MGAM: variants seen among roughly 807,000 people sequenced by gnomAD.
MGAM encodes alpha-1,4-glucosidase.
Under a neutral mutation model 358.8 loss-of-function variants are expected in MGAM, and 253 were observed. That is an observed-to-expected ratio of 0.71 (90% CI 0.64 to 0.78). The LOEUF (loss-of-function observed/expected upper bound fraction) is 0.78, where lower values mean the gene tolerates loss of function less well. Ranked by LOEUF, MGAM falls within the 30% of genes least tolerant of loss-of-function variation. MGAM has a pLI of 0.00. For missense variants in MGAM, 3,080 were observed against 3,432.6 expected, an observed-to-expected ratio of 0.90 and a Z score of 2.57; for synonymous variants, 1,105 against 1,227.1, an observed-to-expected ratio of 0.90 and a Z score of 2.08.
At position 142,066,219 on chromosome 7, in the gene MGAM, A is replaced by G. The variant is rs531578207; in HGVS notation, c.4771-354A>G. On this transcript the variant is annotated intron_variant, in intron 40 of 70. Transcript: ENST00000475668. ...TCAAGCGATCCACTCGACAGCCTCC[A>G]AAAGTGCTGGGATTACAGGCGTGAG... is the stretch of plus-strand genomic sequence containing the variant. Among the ~76,000 whole-genome samples the G allele has an allele frequency of 1.4e-5, 2 of 146,190 alleles. 1 individual carries two copies. The highest frequency in any genetic ancestry group is 3.1e-5 in the Non-Finnish European group (2 of 64,482).
chr7:142,032,564 G>A (rs1807604532), intron 13 of MGAM, among the ~76,000 whole-genome samples: 1 of 151,928 alleles, frequency 6.6e-6, no homozygotes, highest in South Asian at 2.1e-4. Context: ...CATATAAATT[G>A]AAACTTTTTT....
intron 27 of MGAM, among the ~76,000 whole-genome samples, chr7:142,055,273 G>T (rs1455182839): frequency 6.6e-6 from 1 of 152,162 alleles, no homozygotes; most frequent in Non-Finnish European, 1.5e-5. Context: ...AGGCAGTGCT[G>T]GTGTGGAGTG....
chr7:142,008,396 T>C (rs1239429765), intron 2 of MGAM, 110 bp from the exon 3 acceptor site: 1 of 1,201,024 alleles, frequency 8.3e-7, no homozygotes, highest in Non-Finnish European at 1.1e-6. Flanking sequence ...TTTGAGGTCA[T>C]CAGAGTGAAG....
rs371568332 is a variant in MGAM, at chr7:142,008,395, A to G, written c.128-111A>G. ...AAGTGAATGCATAAATTTTGAGGTCATCAGAGTGAAGCCTACTCAGTAGTG... is the reference window on the plus strand; with the variant it reads ...AAGTGAATGCATAAATTTTGAGGTCGTCAGAGTGAAGCCTACTCAGTAGTG... On this transcript the variant is annotated intron_variant, in intron 2 of 70. Coordinates refer to ENST00000475668, the MANE Select transcript of MGAM (RefSeq NM_001365693.1). 9.9e-4 allele frequency: 1,172 copies of G among 1,187,404 alleles called. 4 individuals are homozygous for G. Among genetic ancestry groups the G allele is most frequent in the Middle Eastern group, 5.9e-3 (20 of 3,398 alleles). 73.6% of individuals were successfully genotyped at this position (1,187,404 alleles called of 1,614,324 possible).
rs994435641 is a variant in MGAM, at chr7:142,106,546, C to G, written c.*655C>G. ...TTGAAGAAGAGGGTCTTGAGAAATCCTTAGCATAAAGGGCTACTGGTGAGA... is the reference window on the plus strand; with the variant it reads ...TTGAAGAAGAGGGTCTTGAGAAATCGTTAGCATAAAGGGCTACTGGTGAGA... On this transcript the variant is annotated 3_prime_UTR_variant, in exon 71 of 71. Transcript: ENST00000475668. 4 of 152,146 alleles carry G rather than the reference C, an allele frequency of 2.6e-5. No individual in the cohort carries two copies. The highest frequency in any genetic ancestry group is 9.7e-5 in the African/African-American group (4 of 41,414). The allele number at this position is 152,146 out of a possible 1,614,324, so 9.4% of individuals were successfully genotyped here.
At chr7:142,047,145 G>C (rs991939807) in intron 21 of MGAM, among the ~76,000 whole-genome samples, 3 of 152,102 alleles carry the variant, frequency 2.0e-5, no homozygotes, top group Non-Finnish European at 4.4e-5. Flanking sequence ...AGAATGAGGA[G>C]AGACTCCAAA....
At chr7:142,023,587 A>C (rs1400788012) in intron 7 of MGAM, among the ~76,000 whole-genome samples, 1 of 152,142 alleles carries the variant, frequency 6.6e-6, no homozygotes, top group Non-Finnish European at 1.5e-5. Flanking sequence ...TTGTAAGAAC[A>C]AGAATGGCCT....
At position 142,019,188 on chromosome 7, in the gene MGAM, T is replaced by G; in HGVS notation, c.328-11T>G. 1 of 1,611,924 alleles carries G rather than the reference T, an allele frequency of 6.2e-7. No individual in the cohort carries two copies. Among genetic ancestry groups the G allele is most frequent in the Non-Finnish European group, 8.5e-7 (1 of 1,178,958 alleles). On this transcript the variant is annotated splice_polypyrimidine_tract_variant and intron_variant, in intron 3 of 70. Transcript: ENST00000475668. ...CTAAATGGAGCTTCTTTGACTAACC[T>G]CTTGTTTCAGGCCACATGTGACCAA...
chr7:142,058,474 T>C, intron 31 of MGAM, 146 bp downstream of exon 31: 1 of 1,394,632 alleles, frequency 7.2e-7, no homozygotes, highest in Non-Finnish European at 9.6e-7. Flanking sequence ...CCCAGCACAG[T>C]AATATAGGTA....
chr7:142,098,024 T>C (rs1202721840), intron 66 of MGAM, among the ~76,000 whole-genome samples: 1 of 152,238 alleles, frequency 6.6e-6, no homozygotes, highest in Non-Finnish European at 1.5e-5. Context: ...TGCTGTAAGT[T>C]TGTAAGCATA....
chr7:142,078,248 A>T, intron 47 of MGAM, 70 bp from the exon 48 acceptor site: 2 of 1,167,424 alleles, frequency 1.7e-6, no homozygotes, highest in Non-Finnish European at 2.3e-6. Context: ...AAATAAATAA[A>T]TAAAGTCTTA....
intron 2 of MGAM, among the ~76,000 whole-genome samples, chr7:141,986,976 G>A (rs1364960451): frequency 6.6e-6 from 1 of 152,154 alleles, no homozygotes; most frequent in Non-Finnish European, 1.5e-5. Context: ...GATAACAGGA[G>A]GACAACTTTT....
chr7:142,027,345 T>A, intron 9 of MGAM, 118 bp downstream of exon 9: 2 of 858,708 alleles, frequency 2.3e-6, no homozygotes, highest in Non-Finnish European at 3.7e-6. Context: ...TTTGAGATAT[T>A]AAAGAACAGA....
intron 16 of MGAM, 63 bp downstream of exon 16, chr7:142,034,904 T>G (rs559445221): frequency 6.6e-7 from 1 of 1,520,514 alleles, no homozygotes; most frequent in African/African-American, 1.4e-5. Context: ...TTCTAGAAAG[T>G]TTTCAAACCA....
Position 142,008,523 on chromosome 7 carries a change from A to G in MGAM, c.145A>G (p.Thr49Ala), listed in dbSNP as rs1554453220. The G allele has an allele frequency of 6.2e-7, 1 of 1,610,806 alleles. No individual in the cohort carries two copies. Among genetic ancestry groups the G allele is most frequent in the East Asian group, 2.2e-5 (1 of 44,718 alleles). The part of the protein sequence containing the change: ...LKSTAPDPGT[T>A]GTPDPGTTGT... ...TGGTATAGCCCCAGATCCTGGGACAACTGGTACCCCAGATCCTGGGACAAC... is the reference window on the plus strand; with the variant it reads ...TGGTATAGCCCCAGATCCTGGGACAGCTGGTACCCCAGATCCTGGGACAAC... Residue 49 changes from threonine to alanine, a missense_variant, in exon 3 of 71, where the codon ACT (threonine) becomes GCT (alanine). Physicochemically the swap from Thr to Ala is moderately conservative, Grantham distance 58. Around this residue, in one of 5 missense-constraint regions of MGAM, gnomAD observed 1,816 missense variants for 1,840.5 expected, o/e 0.99. Coordinates refer to ENST00000475668, the MANE Select transcript of MGAM (RefSeq NM_001365693.1).
At position 142,075,911 on chromosome 7, in the gene MGAM, A is replaced by G. The variant is rs1355077286; in HGVS notation, c.5276-292A>G. On this transcript the variant is annotated intron_variant, in intron 45 of 70. Transcript: ENST00000475668. ...AAATTAAAAACAGAACTTCCATACAATCCCATGAATTCCCACTTCTGGGTG... is the reference window on the plus strand; with the variant it reads ...AAATTAAAAACAGAACTTCCATACAGTCCCATGAATTCCCACTTCTGGGTG... Among the ~76,000 whole-genome samples the G allele has an allele frequency of 1.4e-5, 2 of 146,172 alleles. 1 individual carries two copies. Among genetic ancestry groups the G allele is most frequent in the Non-Finnish European group, 3.1e-5 (2 of 64,534 alleles).
At chr7:142,013,395 A>G (rs1314237269) in intron 3 of MGAM, among the ~76,000 whole-genome samples, 3 of 152,092 alleles carry the variant, frequency 2.0e-5, no homozygotes, top group Non-Finnish European at 4.4e-5. Flanking sequence ...ACCAGCTTGC[A>G]TTTGTCCTTG....
chr7:142,018,387 G>T (rs1554456977), intron 3 of MGAM, among the ~76,000 whole-genome samples: 2 of 152,176 alleles, frequency 1.3e-5, no homozygotes, highest in African/African-American at 2.4e-5. Flanking sequence ...AACAGAGAAG[G>T]TGAAAGAGAG....
chr7:142,024,977 C>T, intron 7 of MGAM, 73 bp from the exon 8 acceptor site: 1 of 1,101,888 alleles, frequency 9.1e-7, no homozygotes, highest in South Asian at 1.3e-5. Context: ...AGACTGATTT[C>T]CTAAACCAAC....
Sources: allele counts gnomAD v4.1 joint callset (sites outside exome capture counted in the v4.1 genomes callset), GRCh38; gene constraint gnomAD v4.1.1; regional missense constraint gnomAD v4.1.1; transcripts MANE v1.5; gene names NCBI Gene and HGNC (gene_info 2026-07-23, HGNC 2026-07-21).